CNTN4: variants seen among roughly 807,000 people sequenced by gnomAD.
CNTN4 encodes contactin 4, also known as contactin-4.
In CNTN4, 77 loss-of-function variants were observed where a neutral mutation model predicts 122.5. The observed-to-expected ratio is 0.63, with a 90% CI of 0.52 to 0.76. The LOEUF (loss-of-function observed/expected upper bound fraction) is 0.76, where lower values mean the gene tolerates loss of function less well. Among genes scored for constraint, CNTN4 ranks in the 30% least tolerant of loss-of-function variants. The pLI is 0.00. For synonymous variants in CNTN4, 512 were observed against 447.0 expected, an observed-to-expected ratio of 1.15 and a Z score of -1.83; for missense variants, 1,256 against 1,259.1, an observed-to-expected ratio of 1.00 and a Z score of 0.04.
intron 13 of CNTN4, among the ~76,000 whole-genome samples, chr3:2,932,395 T>A (rs1250766390): frequency 2.0e-5 from 3 of 151,908 alleles, no homozygotes; most frequent in Non-Finnish European, 4.4e-5. Flanking sequence ...AAATAAAAAA[T>A]AAAAAATAAG....
intron 4 of CNTN4, among the ~76,000 whole-genome samples, chr3:2,697,621 A>G (rs1261071914): frequency 6.6e-6 from 1 of 152,158 alleles, no homozygotes; most frequent in East Asian, 1.9e-4. Context: ...ATATCAGACA[A>G]TATATATTTT....
intron 2 of CNTN4, among the ~76,000 whole-genome samples, chr3:2,297,525 C>A (rs1197520065): frequency 1.3e-5 from 2 of 152,080 alleles, no homozygotes; most frequent in Non-Finnish European, 2.9e-5. Context: ...ATAGCAAATC[C>A]CATACATCGT....
intron 2 of CNTN4, among the ~76,000 whole-genome samples, chr3:2,197,255 C>G (rs936311893): frequency 1.3e-5 from 2 of 152,142 alleles, no homozygotes; most frequent in Non-Finnish European, 2.9e-5. Flanking sequence ...CTCTGTTTAC[C>G]TGGATTCATC....
chr3:2,731,838 A>G (rs2088709550), intron 4 of CNTN4, among the ~76,000 whole-genome samples: 1 of 152,250 alleles, frequency 6.6e-6, no homozygotes, highest in South Asian at 2.1e-4. Flanking sequence ...ATGAAGACAA[A>G]CTATAACTAT....
chr3:3,037,314 G>A lies in CNTN4; in HGVS notation c.2078G>A (p.Arg693Lys), dbSNP rs370941937. Residue 693 changes from arginine to lysine, a missense_variant, in exon 18 of 25, where the codon AGA (arginine) becomes AAA (lysine). Transcript: ENST00000418658. Reference protein sequence around the residue: ...GEPSRPSEKRRTEEALPEVTP... With the variant: ...GEPSRPSEKRKTEEALPEVTP... ...CCCAGCCGCCCCTCAGAGAAACGGA[G>A]AACAGAAGAAGCTCGTGAGTAGCAC... 3.1e-6 allele frequency: 5 copies of A among 1,614,060 alleles called. No homozygotes were observed. Among genetic ancestry groups the A allele is most frequent in the Non-Finnish European group, 4.2e-6 (5 of 1,180,032 alleles).
At chr3:2,148,991 G>T (rs1187835499) in intron 2 of CNTN4, among the ~76,000 whole-genome samples, 1 of 151,650 alleles carries the variant, frequency 6.6e-6, no homozygotes, top group Non-Finnish European at 1.5e-5. Context: ...GGTGTCTAAG[G>T]AGTAAATCTA....
At chr3:2,917,469 C>A (rs1198164218) in intron 12 of CNTN4, among the ~76,000 whole-genome samples, 1 of 151,816 alleles carries the variant, frequency 6.6e-6, no homozygotes, top group Non-Finnish European at 1.5e-5. Flanking sequence ...AGTTTAGATT[C>A]CAATTTCAGG....
chr3:2,567,238 C>T (rs2079208514), intron 3 of CNTN4, among the ~76,000 whole-genome samples: 1 of 152,058 alleles, frequency 6.6e-6, no homozygotes, highest in South Asian at 2.1e-4. Context: ...AGGCATGTGC[C>T]ACCACACCCA....
intron 14 of CNTN4, among the ~76,000 whole-genome samples, chr3:2,994,103 A>G (rs1311213673): frequency 6.6e-6 from 1 of 152,142 alleles, no homozygotes; most frequent in Non-Finnish European, 1.5e-5. Flanking sequence ...GAAGCACATG[A>G]CCTGGTGTTT....
chr3:3,000,973 T>C (rs956375944), intron 14 of CNTN4, among the ~76,000 whole-genome samples: 2 of 151,896 alleles, frequency 1.3e-5, no homozygotes, highest in African/African-American at 4.8e-5. Context: ...TTGAGTAATA[T>C]ATTCTCAAGT....
chr3:2,373,513 T>C (rs1226378191), intron 3 of CNTN4, among the ~76,000 whole-genome samples: 1 of 152,240 alleles, frequency 6.6e-6, no homozygotes, highest in African/African-American at 2.4e-5. Context: ...CATGAGTTAG[T>C]GTTTGCTTGA....
At chr3:2,394,189 T>G (rs931306234) in intron 3 of CNTN4, among the ~76,000 whole-genome samples, 24 of 151,010 alleles carry the variant, frequency 1.6e-4, no homozygotes, top group Admixed American at 1.4e-3. Context: ...ATATTGAGAA[T>G]GAAAAAAAGG....
chr3:2,491,814 C>T (rs183264618), intron 3 of CNTN4, among the ~76,000 whole-genome samples: 110 of 152,306 alleles, frequency 7.2e-4, no homozygotes, highest in African/African-American at 2.6e-3. Flanking sequence ...TTTCTCGAAT[C>T]TTCCGTCAAG....
intron 2 of CNTN4, among the ~76,000 whole-genome samples, chr3:2,232,728 C>T (rs902320978): frequency 5.3e-5 from 8 of 152,014 alleles, no homozygotes; most frequent in African/African-American, 9.7e-5. Context: ...ACTCAATAGA[C>T]GAAAACATTG....
chr3:2,944,857 G>A (rs545636518), intron 13 of CNTN4, among the ~76,000 whole-genome samples: 2 of 152,190 alleles, frequency 1.3e-5, no homozygotes, highest in East Asian at 1.9e-4. Flanking sequence ...GAAATGAGCA[G>A]AGAGAGAAAC....
At chr3:2,707,025 C>T (rs867832486) in intron 4 of CNTN4, among the ~76,000 whole-genome samples, 3 of 152,040 alleles carry the variant, frequency 2.0e-5, no homozygotes, top group Non-Finnish European at 4.4e-5. Flanking sequence ...TCAAGTCCCA[C>T]AGAGTGGCTC....
At chr3:2,660,744 G>A (rs1358795960) in intron 4 of CNTN4, among the ~76,000 whole-genome samples, 1 of 152,190 alleles carries the variant, frequency 6.6e-6, no homozygotes, top group Non-Finnish European at 1.5e-5. Flanking sequence ...TCCTCAAAAC[G>A]GGAACACACA....
At chr3:2,959,769 T>C (rs1317371120) in intron 13 of CNTN4, among the ~76,000 whole-genome samples, 1 of 152,206 alleles carries the variant, frequency 6.6e-6, no homozygotes, top group Non-Finnish European at 1.5e-5. Flanking sequence ...CCAAAGACTT[T>C]TAGCACCTAT....
chr3:2,257,260 C>G (rs1291747664), intron 2 of CNTN4, among the ~76,000 whole-genome samples: 2 of 152,164 alleles, frequency 1.3e-5, no homozygotes, highest in Non-Finnish European at 2.9e-5. Context: ...AACTGGAACC[C>G]TTCCTTACAC....
Sources: allele counts gnomAD v4.1 joint callset (sites outside exome capture counted in the v4.1 genomes callset), GRCh38; gene constraint gnomAD v4.1.1; transcripts MANE v1.5; gene names NCBI Gene and HGNC (gene_info 2026-07-23, HGNC 2026-07-21).